The following PCDHGA6 variants were observed in gnomAD, a reference collection of about 807,000 sequenced individuals.
PCDHGA6 encodes protocadherin gamma subfamily A, 6.
Under a neutral mutation model 60.6 loss-of-function variants are expected in PCDHGA6, and 41 were observed. That is an observed-to-expected ratio of 0.68 (90% CI 0.53 to 0.88). The LOEUF is 0.88. Ranked by LOEUF, PCDHGA6 falls within the 40% of genes least tolerant of loss-of-function variation. PCDHGA6 has a pLI of 0.00. For missense variants in PCDHGA6, 1,312 were observed against 1,203.0 expected, an observed-to-expected ratio of 1.09 and a Z score of -1.34; for synonymous variants, 594 against 524.4, an observed-to-expected ratio of 1.13 and a Z score of -1.81.
chr5:141,421,586 T>A (rs750525078), intron 1 of PCDHGA6: 2 of 1,613,602 alleles, frequency 1.2e-6, no homozygotes, highest in Admixed American at 3.3e-5. Context: ...ATTTACGGAG[T>A]GGAGGTGGAA....
intron 1 of PCDHGA6, chr5:141,430,966 A>G: frequency 1.2e-6 from 2 of 1,612,916 alleles, no homozygotes. Context: ...TCATCCCCAG[A>G]GGTAGGACGC....
intron 1 of PCDHGA6, chr5:141,417,121 G>C (rs2096086482): frequency 6.6e-6 from 1 of 152,110 alleles, no homozygotes; most frequent in Non-Finnish European, 1.5e-5. Context: ...GGACACCCTG[G>C]ATGATGGTAA....
chr5:141,485,641 G>T lies in PCDHGA6; in HGVS notation c.2425-9166G>T. The T allele has an allele frequency of 6.2e-7, 1 of 1,612,012 alleles. No individual in the cohort carries two copies. Among genetic ancestry groups the T allele is most frequent in the Non-Finnish European group, 8.5e-7 (1 of 1,178,470 alleles). On this transcript the variant is annotated intron_variant, in intron 1 of 3. Transcript: ENST00000517434. The surrounding 1 kb of genome is among the most constrained non-coding windows in gnomAD (Gnocchi z 5.7). Reference sequence around the variant, plus strand: ...CAGGACAGCGTTTCCCGTTGGAAAAGGCTCAGGATGCAGATGTGGGGAGCA... The same window carrying T: ...CAGGACAGCGTTTCCCGTTGGAAAATGCTCAGGATGCAGATGTGGGGAGCA...
chr5:141,433,140 CAGGTGATTCGGTATTTTCTAAAG>C (rs2097570930), intron 1 of PCDHGA6: 1 of 1,613,948 alleles, frequency 6.2e-7, no homozygotes, highest in Non-Finnish European at 8.5e-7. Flanking sequence ...CTTTTGCTGT[CAGGTGATTCGGTATTTTCTAAAG>C]ACAGTCATGG....
intron 1 of PCDHGA6, chr5:141,428,142 C>A: frequency 6.3e-7 from 1 of 1,594,260 alleles, no homozygotes; most frequent in Non-Finnish European, 8.6e-7. Flanking sequence ...CCTGGGGCTG[C>A]ACACGGGAAC....
rs773474154 is a variant in PCDHGA6, at chr5:141,477,751, G to A, written c.2425-17056G>A. The A allele has an allele frequency of 5.0e-6, 8 of 1,613,712 alleles. No individual in the cohort carries two copies. The highest frequency in any genetic ancestry group is 6.8e-6 in the Non-Finnish European group (8 of 1,180,030). ...CTCATATCAGCGATGGGGGCACCCC[G>A]GTCCTAGCCACCAACATCAGCGTGA... On this transcript the variant is annotated intron_variant, in intron 1 of 3. Transcript: ENST00000517434. The surrounding 1 kb of genome is among the most constrained non-coding windows in gnomAD (Gnocchi z 4.9).
chr5:141,417,618 G>A (rs370911891), intron 1 of PCDHGA6: 3 of 654,230 alleles, frequency 4.6e-6, no homozygotes, highest in Non-Finnish European at 7.4e-6. Context: ...CCAGTGCAGA[G>A]CAAGCGCTGA....
chr5:141,478,418 C>T, intron 1 of PCDHGA6: 1 of 1,613,650 alleles, frequency 6.2e-7, no homozygotes, highest in Non-Finnish European at 8.5e-7. Context: ...GGACTCCCGC[C>T]GCAGCGACCC....
At position 141,490,221 on chromosome 5, in the gene PCDHGA6, G is replaced by A; in HGVS notation, c.2425-4586G>A. 6.2e-7 allele frequency: 1 copy of A among 1,614,236 alleles called. No individual in the cohort carries two copies. The highest frequency in any genetic ancestry group is 1.1e-5 in the South Asian group (1 of 91,084). ...ATGCAAGAGCCCGTGACCAGGGACAGCCTGCCATGGAGGGCCACTGTGTGA... is the reference window on the plus strand; with the variant it reads ...ATGCAAGAGCCCGTGACCAGGGACAACCTGCCATGGAGGGCCACTGTGTGA... On this transcript the variant is annotated intron_variant, in intron 1 of 3. Transcript: ENST00000517434. The surrounding 1 kb of genome is among the most constrained non-coding windows in gnomAD (Gnocchi z 5.4).
intron 1 of PCDHGA6, chr5:141,419,102 A>G (rs201327680): frequency 4.5e-5 from 73 of 1,613,748 alleles, no homozygotes; most frequent in Non-Finnish European, 5.9e-5. Flanking sequence ...TCGGGAGCAG[A>G]CCCCAGAGTA....
At chr5:141,438,649 CACAT>C (rs2098044358) in intron 1 of PCDHGA6, among the ~76,000 whole-genome samples, 1 of 100,976 alleles carries the variant, frequency 9.9e-6, no homozygotes, top group Non-Finnish European at 2.0e-5. Context: ...CACACACACA[CACAT>C]ATATGTATAT....
intron 1 of PCDHGA6, among the ~76,000 whole-genome samples, chr5:141,381,815 T>A (rs1721316177): frequency 7.0e-6 from 1 of 142,092 alleles, no homozygotes; most frequent in South Asian, 2.2e-4. Flanking sequence ...TTTCTTTCTT[T>A]CTTTCTTCTT....
chr5:141,399,958 G>A (rs2093927763), intron 1 of PCDHGA6: 5 of 1,612,004 alleles, frequency 3.1e-6, no homozygotes, highest in Non-Finnish European at 4.2e-6. Context: ...TAGCGAGCCC[G>A]GGCTCTTCAG....
At position 141,403,235 on chromosome 5, in the gene PCDHGA6, C is replaced by T. The variant is rs757212212; in HGVS notation, c.2424+26728C>T. The T allele has an allele frequency of 2.9e-5, 47 of 1,613,842 alleles. No individual in the cohort carries two copies. In the Admixed American group the frequency reaches 7.7e-4, roughly 26 times the overall value. ...CGCGGGTAGGATAGACCGGGAGGAGCTCTGTGCTCAGAGCCCGCGGTGTCT... is the reference window on the plus strand; with the variant it reads ...CGCGGGTAGGATAGACCGGGAGGAGTTCTGTGCTCAGAGCCCGCGGTGTCT... On this transcript the variant is annotated intron_variant, in intron 1 of 3. Transcript: ENST00000517434.
In PCDHGA6 at chr5:141,491,357, T is replaced by C; in HGVS notation, c.2425-3450T>C. 6.2e-7 allele frequency: 1 copy of C among 1,614,144 alleles called. No homozygotes were observed. Among genetic ancestry groups the C allele is most frequent in the South Asian group, 1.1e-5 (1 of 91,080 alleles). On this transcript the variant is annotated intron_variant, in intron 1 of 3. Transcript: ENST00000517434. This position sits in a 1 kb window ranked among gnomAD's most constrained non-coding sequence, Gnocchi z 6.9. ...CTAGCGACCGTCAGTCTCTTATCCCTAGTCACCTTCACCTTTCTGTCAGCG... is the reference window on the plus strand; with the variant it reads ...CTAGCGACCGTCAGTCTCTTATCCCCAGTCACCTTCACCTTTCTGTCAGCG...
intron 1 of PCDHGA6, chr5:141,402,911 C>T: frequency 1.3e-6 from 2 of 1,551,976 alleles, no homozygotes; most frequent in South Asian, 1.2e-5. Context: ...TGAAGCAGCG[C>T]GCACAGAGAT....
At chr5:141,441,279 C>T (rs3792898) in intron 1 of PCDHGA6, 17,193 of 152,116 alleles carry the variant, frequency 0.11, 1,155 homozygotes, top group African/African-American at 0.18. Context: ...CGGGAGAAAA[C>T]GAGGTCACAT....
At chr5:141,402,930 G>A (rs1260331134) in intron 1 of PCDHGA6, 1 of 1,584,094 alleles carries the variant, frequency 6.3e-7, no homozygotes, top group Non-Finnish European at 8.6e-7. Flanking sequence ...ATCCTTTTGA[G>A]AAAATTCCAA....
chr5:141,394,150 A>C (rs781168813), intron 1 of PCDHGA6: 2 of 1,613,798 alleles, frequency 1.2e-6, no homozygotes, highest in East Asian at 4.5e-5. Context: ...GCAGACATTA[A>C]CGACAACCCT....
Sources: gnomAD v4.1 joint callset for allele counts (sites outside exome capture counted in the v4.1 genomes callset) on GRCh38, gnomAD v4.1.1 for gene constraint, Gnocchi (gnomAD v3.1) non-coding constraint, MANE v1.5 for transcripts, NCBI Gene and HGNC (gene_info 2026-07-23, HGNC 2026-07-21) for gene names.